ARFGEF3: variants seen among roughly 807,000 people sequenced by gnomAD.
The protein encoded by ARFGEF3 is brefeldin A-inhibited guanine nucleotide-exchange protein 3.
A neutral mutation model predicts 221.7 loss-of-function variants in ARFGEF3; 96 were observed. The ratio of observed to expected loss-of-function variants is 0.43; its 90% CI spans 0.37 to 0.51. The LOEUF is 0.51. ARFGEF3 is among the 20% of genes least tolerant of loss of function. ARFGEF3 has a pLI of 0.00. For synonymous variants in ARFGEF3, 1,145 were observed against 1,126.8 expected, an observed-to-expected ratio of 1.02 and a Z score of -0.32; for missense variants, 2,410 against 2,789.9, an observed-to-expected ratio of 0.86 and a Z score of 3.07.
chr6:138,341,178 TA>T lies in ARFGEF3; in HGVS notation c.*4695del, dbSNP rs2114710905. 1 of 153,086 alleles carries T rather than the reference TA, an allele frequency of 6.5e-6. No homozygotes were observed. The highest frequency in any genetic ancestry group is 2.1e-4 in the South Asian group (1 of 4,848). 9.5% of individuals were successfully genotyped at this position (153,086 alleles called of 1,614,324 possible). On this transcript the variant is annotated 3_prime_UTR_variant, in exon 34 of 34. Coordinates refer to ENST00000251691, the MANE Select transcript of ARFGEF3 (RefSeq NM_020340.5). ...CAAATATCATTTAATCAACTCAGAA[TA>T]AAGTGCCCTGTAGCCAACAGTGCCT... is the stretch of plus-strand genomic sequence containing the variant.
intron 26 of ARFGEF3, among the ~76,000 whole-genome samples, chr6:138,314,941 C>T (rs1779896732): frequency 6.6e-6 from 1 of 152,248 alleles, no homozygotes; most frequent in South Asian, 2.1e-4. Flanking sequence ...ATGGATGCCT[C>T]TATACCCATC....
In ARFGEF3 at chr6:138,334,936, A is replaced by C. The variant is rs201499916; in HGVS notation, c.6090A>C (p.Lys2030Asn). ...TTTCAAAGTTGATGACCGAATACAAAAAGAGGAAACAGCAGCACAACCTGT... is the reference window on the plus strand; with the variant it reads ...TTTCAAAGTTGATGACCGAATACAACAAGAGGAAACAGCAGCACAACCTGT... The part of the protein sequence containing the change: ...KTISKLMTEY[K>N]KRKQQHNLSA... The change falls in exon 33 of 34, where the codon AAA becomes AAC. Residue 2030 changes from lysine (K) to asparagine (N), a missense_variant. By Grantham distance (94) the Lys-to-Asn change is moderately conservative. Around this residue, in one of 5 missense-constraint regions of ARFGEF3, gnomAD observed 339 missense variants for 334.9 expected, o/e 1.01. Coordinates refer to ENST00000251691, the MANE Select transcript of ARFGEF3 (RefSeq NM_020340.5). The surrounding 1 kb of genome is among the most constrained non-coding windows in gnomAD (Gnocchi z 5.1). The C allele has an allele frequency of 1.4e-5, 22 of 1,589,902 alleles. No homozygotes were observed. In the East Asian group the frequency reaches 5.0e-4, roughly 36 times the overall value.
At chr6:138,169,533 G>A (rs916704265) in intron 1 of ARFGEF3, among the ~76,000 whole-genome samples, 2 of 152,186 alleles carry the variant, frequency 1.3e-5, no homozygotes, top group African/African-American at 4.8e-5. Context: ...AGCAGCATCG[G>A]CTCATCCTGG....
intron 4 of ARFGEF3, among the ~76,000 whole-genome samples, chr6:138,225,082 T>C (rs1010930697): frequency 2.0e-5 from 3 of 152,202 alleles, no homozygotes; most frequent in Non-Finnish European, 4.4e-5. Flanking sequence ...CTGCATCTTT[T>C]TTCCAAATGC....
intron 26 of ARFGEF3, among the ~76,000 whole-genome samples, chr6:138,314,975 T>C (rs944541342): frequency 6.6e-6 from 1 of 152,242 alleles, no homozygotes. Flanking sequence ...TTCCTCTGTC[T>C]AAAACTACTG....
At position 138,336,547 on chromosome 6, in the gene ARFGEF3, C is replaced by A; in HGVS notation, c.*61C>A. ...AGTGAGGGTTAGAGTCCTGCCAATACAGCTGTTGCATTTTCCCCACCACTA... is the reference window on the plus strand; with the variant it reads ...AGTGAGGGTTAGAGTCCTGCCAATAAAGCTGTTGCATTTTCCCCACCACTA... On this transcript the variant is annotated 3_prime_UTR_variant, in exon 34 of 34. Transcript: ENST00000251691. The A allele has an allele frequency of 1.5e-6, 2 of 1,366,936 alleles. No individual in the cohort carries two copies. Among genetic ancestry groups the A allele is most frequent in the Non-Finnish European group, 2.0e-6 (2 of 1,000,484 alleles). The allele number at this position is 1,366,936 out of a possible 1,614,324, so 84.7% of individuals were successfully genotyped here. A position where few individuals can be genotyped will look rare whatever the true frequency, so the allele number is the denominator to read the frequency against.
chr6:138,323,632 C>CA lies in ARFGEF3; in HGVS notation c.4767-37dup, dbSNP rs763032227. 9,260 of 1,513,184 alleles carry CA rather than the reference C, an allele frequency of 6.1e-3. 1 individual carries two copies. The highest frequency in any genetic ancestry group is 7.6e-3 in the Non-Finnish European group (8,287 of 1,095,044). The allele number at this position is 1,513,184 out of a possible 1,614,324, so 93.7% of individuals were successfully genotyped here. On this transcript the variant is annotated intron_variant, in intron 29 of 33. Coordinates refer to ENST00000251691, the MANE Select transcript of ARFGEF3 (RefSeq NM_020340.5). ...ATCTGAAAAAAACAAACAACAACAA[C>CA]AACAAAAAAAAAACTCCTTTACTTG...
At chr6:138,252,599 G>C (rs749739323) in intron 8 of ARFGEF3, among the ~76,000 whole-genome samples, 40 of 152,090 alleles carry the variant, frequency 2.6e-4, no homozygotes, top group Non-Finnish European at 7.4e-5. Flanking sequence ...TGGCCTGCAT[G>C]AGCCTTTCTG....
chr6:138,205,469 T>C (rs1168431656), intron 2 of ARFGEF3, among the ~76,000 whole-genome samples: 2 of 152,204 alleles, frequency 1.3e-5, no homozygotes, highest in African/African-American at 4.8e-5. Flanking sequence ...TGCCCTTGGT[T>C]CCTACTTCTC....
chr6:138,299,708 G>T (rs910937562), intron 22 of ARFGEF3, among the ~76,000 whole-genome samples: 1 of 152,202 alleles, frequency 6.6e-6, no homozygotes, highest in African/African-American at 2.4e-5. Context: ...CATCCCAGAC[G>T]TGAGTGCACA....
intron 1 of ARFGEF3, among the ~76,000 whole-genome samples, chr6:138,166,033 C>T (rs1438930697): frequency 6.6e-6 from 1 of 152,172 alleles, no homozygotes; most frequent in Non-Finnish European, 1.5e-5. Context: ...AAAATGGCTT[C>T]CTGGAAGTAA....
At chr6:138,205,525 G>C (rs1777610373) in intron 2 of ARFGEF3, among the ~76,000 whole-genome samples, 1 of 152,094 alleles carries the variant, frequency 6.6e-6, no homozygotes, top group Non-Finnish European at 1.5e-5. Context: ...CTCTTAAACT[G>C]GTTATCATTG....
At chr6:138,253,453 T>C (rs1778615922) in intron 8 of ARFGEF3, among the ~76,000 whole-genome samples, 1 of 152,120 alleles carries the variant, frequency 6.6e-6, no homozygotes, top group Non-Finnish European at 1.5e-5. Context: ...GTCAGTGGGG[T>C]TGGTTCCTCC....
intron 2 of ARFGEF3, among the ~76,000 whole-genome samples, chr6:138,179,034 T>G (rs6928119): frequency 0.044 from 6,678 of 152,202 alleles, 165 homozygotes; most frequent in Middle Eastern, 0.092. Flanking sequence ...AGATACAAAG[T>G]TTTCAGTTCT....
intron 20 of ARFGEF3, among the ~76,000 whole-genome samples, chr6:138,294,475 C>CCA (rs987714206): frequency 1.3e-5 from 2 of 152,180 alleles, no homozygotes; most frequent in Admixed American, 6.5e-5. Context: ...GTATCACAAA[C>CCA]CACACCACAC....
chr6:138,188,637 A>G (rs976012298), intron 2 of ARFGEF3, among the ~76,000 whole-genome samples: 4 of 152,234 alleles, frequency 2.6e-5, no homozygotes, highest in African/African-American at 7.2e-5. Flanking sequence ...ACTAGGCTAT[A>G]AGGCAGTTAC....
intron 8 of ARFGEF3, among the ~76,000 whole-genome samples, chr6:138,249,869 G>C (rs1340217190): frequency 6.6e-6 from 1 of 152,144 alleles, no homozygotes; most frequent in Non-Finnish European, 1.5e-5. Context: ...GGGGCCTTTT[G>C]CTAAAGATGC....
chr6:138,222,519 G>T (rs1778000009), intron 4 of ARFGEF3, among the ~76,000 whole-genome samples: 1 of 152,166 alleles, frequency 6.6e-6, no homozygotes, highest in South Asian at 2.1e-4. Flanking sequence ...ACTGGCAGTG[G>T]GAAGGAGGAG....
rs1466678558 is a variant in ARFGEF3, at chr6:138,338,573, G to T, written c.*2087G>T. ...CACTTACTTTGGGAGGCCAAGGTGG[G>T]CAGATAACCTGCGGTCAGGAGTTTG... On this transcript the variant is annotated 3_prime_UTR_variant, in exon 34 of 34. Transcript: ENST00000251691. 6.6e-6 allele frequency: 1 copy of T among 152,234 alleles called. No individual in the cohort carries two copies. The highest frequency in any genetic ancestry group is 1.5e-5 in the Non-Finnish European group (1 of 68,066). The allele number at this position is 152,234 out of a possible 1,614,324, so 9.4% of individuals were successfully genotyped here.
Sources: allele counts gnomAD v4.1 joint callset (sites outside exome capture counted in the v4.1 genomes callset), GRCh38; gene constraint gnomAD v4.1.1; regional missense constraint gnomAD v4.1.1; non-coding constraint Gnocchi (gnomAD v3.1); transcripts MANE v1.5; gene names NCBI Gene and HGNC (gene_info 2026-07-23, HGNC 2026-07-21).